UQCC1: variants seen among roughly 807,000 people sequenced by gnomAD.
UQCC1 encodes the protein bFGF-repressed Zic-binding protein.
Under a neutral mutation model 48.0 loss-of-function variants are expected in UQCC1, and 38 were observed. The observed-to-expected ratio is 0.79, with a 90% CI of 0.61 to 1.04. The LOEUF (loss-of-function observed/expected upper bound fraction) is 1.04. Ranked by LOEUF, UQCC1 falls within the 50% of genes least tolerant of loss-of-function variation. The pLI is 0.00. For synonymous variants in UQCC1, 111 were observed against 129.2 expected, an observed-to-expected ratio of 0.86 and a Z score of 0.95; for missense variants, 368 against 381.8, an observed-to-expected ratio of 0.96 and a Z score of 0.30.
chr20:35,341,058 G>C (rs1202707838), intron 7 of UQCC1, among the ~76,000 whole-genome samples: 2 of 151,734 alleles, frequency 1.3e-5, no homozygotes, highest in Non-Finnish European at 2.9e-5. Flanking sequence ...GTGAAACCCT[G>C]TCTAAAATTA....
chr20:35,392,497 CAG>C (rs1307272704), intron 2 of UQCC1, among the ~76,000 whole-genome samples: 2 of 152,100 alleles, frequency 1.3e-5, no homozygotes, highest in African/African-American at 4.8e-5. Flanking sequence ...GGGCACAAGT[CAG>C]AGATTCATAT....
chr20:35,319,049 A>C (rs1333049031), intron 7 of UQCC1, among the ~76,000 whole-genome samples: 1 of 152,200 alleles, frequency 6.6e-6, no homozygotes, highest in Non-Finnish European at 1.5e-5. Context: ...TTTGCTTTTC[A>C]TAAAAACCCA....
chr20:35,306,887 G>A (rs780198738), intron 8 of UQCC1, 108 bp from the exon 9 acceptor site: 3 of 849,016 alleles, frequency 3.5e-6, no homozygotes, highest in African/African-American at 1.7e-5. Context: ...GCTCAGAAGG[G>A]CCCTCCACGC....
At chr20:35,359,647 G>A (rs878990588) in intron 6 of UQCC1, among the ~76,000 whole-genome samples, 3 of 151,814 alleles carry the variant, frequency 2.0e-5, no homozygotes, top group Admixed American at 2.0e-4. Flanking sequence ...GAGTAGATCT[G>A]ATTTTGAATT....
At chr20:35,318,321 G>T (rs906870908) in intron 7 of UQCC1, among the ~76,000 whole-genome samples, 1 of 152,192 alleles carries the variant, frequency 6.6e-6, no homozygotes, top group Non-Finnish European at 1.5e-5. Flanking sequence ...TAAGAGCCAG[G>T]ATTAGAACCT....
chr20:35,390,438 AT>A (rs1393703407), intron 2 of UQCC1, among the ~76,000 whole-genome samples: 1 of 151,776 alleles, frequency 6.6e-6, no homozygotes, highest in Non-Finnish European at 1.5e-5. Context: ...AAAAAAAAAA[AT>A]CATAGAAACA....
intron 6 of UQCC1, among the ~76,000 whole-genome samples, chr20:35,362,051 A>AG (rs2061611709): frequency 6.6e-6 from 1 of 152,234 alleles, no homozygotes; most frequent in East Asian, 1.9e-4. Context: ...TAACACTTAC[A>AG]ATGCCAACAC....
At chr20:35,366,963 G>A in intron 5 of UQCC1, among the ~76,000 whole-genome samples, 1 of 151,790 alleles carries the variant, frequency 6.6e-6, no homozygotes, top group Non-Finnish European at 1.5e-5. Flanking sequence ...GCGTGGTGGT[G>A]GGCGCCTGTA....
rs2061805554 is a variant in UQCC1, at chr20:35,376,733, G to A, written c.334-2477C>T. 2.0e-5 allele frequency among the ~76,000 whole-genome samples: 3 copies of A among 152,128 alleles called. No homozygotes were observed. In the South Asian group the frequency reaches 6.2e-4, roughly 31 times the overall value. On this transcript the variant is annotated intron_variant, in intron 4 of 9. Coordinates refer to ENST00000374385, the MANE Select transcript of UQCC1 (RefSeq NM_018244.5). ...TAATCCCAGCACTTTGAGAGACTGA[G>A]GTGGGCGGATCACGAGGTCAAGAGA...
intron 1 of UQCC1, among the ~76,000 whole-genome samples, chr20:35,398,147 T>C (rs947737442): frequency 6.6e-6 from 1 of 152,184 alleles, no homozygotes; most frequent in Non-Finnish European, 1.5e-5. Flanking sequence ...ATTTATGGGA[T>C]GAAAGGGTAG....
At chr20:35,339,733 T>C (rs1378888718) in intron 7 of UQCC1, among the ~76,000 whole-genome samples, 2 of 152,180 alleles carry the variant, frequency 1.3e-5, no homozygotes, top group African/African-American at 2.4e-5. Flanking sequence ...AAAACTCATA[T>C]AAGTTGTTTT....
intron 7 of UQCC1, among the ~76,000 whole-genome samples, chr20:35,315,627 G>A (rs2061048861): frequency 6.6e-6 from 1 of 152,204 alleles, no homozygotes; most frequent in African/African-American, 2.4e-5. Flanking sequence ...AGTGGTTCAT[G>A]CCTGTAATCC....
At chr20:35,356,786 T>G (rs1217502048) in intron 6 of UQCC1, among the ~76,000 whole-genome samples, 1 of 152,176 alleles carries the variant, frequency 6.6e-6, no homozygotes. Context: ...ACCCTATTTT[T>G]CATTCAGTCC....
At chr20:35,345,700 G>C (rs976976421) in intron 7 of UQCC1, 1 of 152,002 alleles carries the variant, frequency 6.6e-6, no homozygotes, top group African/African-American at 2.4e-5. Context: ...AGTTAGACTG[G>C]GGGGAAAAAA....
At chr20:35,345,318 A>C (rs2061420631) in intron 7 of UQCC1, 1 of 152,166 alleles carries the variant, frequency 6.6e-6, no homozygotes, top group African/African-American at 2.4e-5. Context: ...CAGAGCCCTC[A>C]ACCTGTGGGA....
At chr20:35,404,465 G>A (rs542584808) in intron 1 of UQCC1, among the ~76,000 whole-genome samples, 127 of 150,384 alleles carry the variant, frequency 8.4e-4, no homozygotes, top group African/African-American at 2.8e-3. Context: ...GCGTGAACCC[G>A]GGAGGTGGAG....
chr20:35,401,495 C>A (rs1183410161), intron 1 of UQCC1, among the ~76,000 whole-genome samples: 1 of 152,158 alleles, frequency 6.6e-6, no homozygotes, highest in Non-Finnish European at 1.5e-5. Context: ...GGAACACACA[C>A]ATTGGCAGCT....
intron 2 of UQCC1, among the ~76,000 whole-genome samples, chr20:35,390,539 A>C (rs1300764151): frequency 6.6e-6 from 1 of 152,192 alleles, no homozygotes; most frequent in African/African-American, 2.4e-5. Flanking sequence ...TTGCAAAACA[A>C]TGTGAATATG....
intron 5 of UQCC1, among the ~76,000 whole-genome samples, chr20:35,371,699 G>GA (rs57335287): frequency 0.019 from 1,728 of 92,172 alleles, 31 homozygotes; most frequent in East Asian, 0.081. Context: ...GGCACTTAAA[G>GA]AAAAAAAAAA....
Sources: gnomAD v4.1 joint callset for allele counts (sites outside exome capture counted in the v4.1 genomes callset) on GRCh38, gnomAD v4.1.1 for gene constraint, MANE v1.5 for transcripts, NCBI Gene and HGNC (gene_info 2026-07-23, HGNC 2026-07-21) for gene names.